VPS50: variants seen among roughly 807,000 people sequenced by gnomAD.
The protein encoded by VPS50 is VPS50 subunit of EARP/GARPII complex.
In VPS50, 70 loss-of-function variants were observed where a neutral mutation model predicts 139.7. The observed-to-expected ratio is 0.50, with a 90% confidence interval of 0.41 to 0.61. The LOEUF is 0.61. VPS50 is among the 20% of genes least tolerant of loss of function. VPS50 has a pLI of 0.00. For synonymous variants in VPS50, 365 were observed against 376.7 expected (o/e 0.97, Z 0.36); for missense variants, 921 against 1,133.7 (o/e 0.81, Z 2.69).
chr7:93,307,916 G>T, intron 18 of VPS50, among the ~76,000 whole-genome samples: 1 of 151,820 alleles, frequency 6.6e-6, no homozygotes, highest in East Asian at 1.9e-4. Context: ...GAATTAGGGG[G>T]CTAAATTCTT....
rs1399104135 is a variant in VPS50, at chr7:93,341,336, T to TATTTTA, written c.2059-81_2059-76dup. ...ATGTAATTAACGTGTGCCCCAAGAG[T>TATTTTA]ATTTTAATTTTAATTCTAATTTTGT... On this transcript the variant is annotated intron_variant, in intron 22 of 27. Transcript: ENST00000305866. 19 of 761,688 alleles carry TATTTTA rather than the reference T, an allele frequency of 2.5e-5. No homozygotes were observed. In the Admixed American group the frequency reaches 3.8e-4, roughly 15 times the overall value. 47.2% of individuals were successfully genotyped at this position (761,688 alleles called of 1,614,324 possible).
At chr7:93,282,763 A>G (rs1796366824) in intron 12 of VPS50, among the ~76,000 whole-genome samples, 1 of 152,182 alleles carries the variant, frequency 6.6e-6, no homozygotes, top group African/African-American at 2.4e-5. Context: ...TTTCTTGCTG[A>G]ATGCTACAAA....
At chr7:93,354,647 T>G (rs139281934) in intron 26 of VPS50, among the ~76,000 whole-genome samples, 2 of 152,278 alleles carry the variant, frequency 1.3e-5, no homozygotes, top group African/African-American at 2.4e-5. Flanking sequence ...TATATCATCA[T>G]TAATAATAAT....
chr7:93,285,117 A>T (rs2116920566), intron 12 of VPS50, among the ~76,000 whole-genome samples: 1 of 152,292 alleles, frequency 6.6e-6, no homozygotes, highest in Admixed American at 6.5e-5. Context: ...GTGAGCTCAT[A>T]GTACTAACAG....
At chr7:93,316,584 G>A (rs150621226) in intron 20 of VPS50, among the ~76,000 whole-genome samples, 21 of 152,270 alleles carry the variant, frequency 1.4e-4, no homozygotes, top group African/African-American at 3.6e-4. Flanking sequence ...AGTGATGAGC[G>A]ATCACTCAGA....
At chr7:93,324,499 A>G (rs1190170044) in intron 21 of VPS50, among the ~76,000 whole-genome samples, 7 of 152,162 alleles carry the variant, frequency 4.6e-5, no homozygotes, top group Non-Finnish European at 8.8e-5. Flanking sequence ...TAGCATGAAG[A>G]GTTGTTGAAT....
rs576407750 is a variant in VPS50, at chr7:93,324,039, A to C, written c.1977+307A>C. ...CTTTTTTTAAATCTGGCTCCATCTAAAATATAAAACAGTAAATGAGACATT... is the reference window on the plus strand; with the variant it reads ...CTTTTTTTAAATCTGGCTCCATCTACAATATAAAACAGTAAATGAGACATT... On this transcript the variant is annotated intron_variant, in intron 21 of 27. Transcript: ENST00000305866. Among the ~76,000 whole-genome samples the C allele has an allele frequency of 4.5e-4, 69 of 152,264 alleles. No homozygotes were observed. The East Asian group carries it at 0.013, about 28-fold the overall frequency.
chr7:93,312,118 T>C (rs149983536), intron 20 of VPS50, among the ~76,000 whole-genome samples: 1 of 152,272 alleles, frequency 6.6e-6, no homozygotes, highest in African/African-American at 2.4e-5. Context: ...TACAGAATGC[T>C]TTTTAGGAGT....
At chr7:93,254,076 G>T in intron 4 of VPS50, 145 bp downstream of exon 4, 1 of 486,198 alleles carries the variant, frequency 2.1e-6, no homozygotes, top group Non-Finnish European at 3.7e-6. Flanking sequence ...TTCAAATGAT[G>T]CATTTACATT....
chr7:93,270,680 T>C (rs1022302295), intron 9 of VPS50, among the ~76,000 whole-genome samples: 1 of 151,996 alleles, frequency 6.6e-6, no homozygotes, highest in Non-Finnish European at 1.5e-5. Flanking sequence ...TTCCCCTTCC[T>C]CTAGCATCAG....
At chr7:93,312,761 G>A (rs1470164156) in intron 20 of VPS50, among the ~76,000 whole-genome samples, 6 of 150,708 alleles carry the variant, frequency 4.0e-5, no homozygotes, top group Non-Finnish European at 5.9e-5. Context: ...GGTAGTTATC[G>A]TGCTTCCTTT....
At chr7:93,294,091 C>G (rs191589900) in intron 13 of VPS50, among the ~76,000 whole-genome samples, 1 of 152,184 alleles carries the variant, frequency 6.6e-6, no homozygotes, top group Non-Finnish European at 1.5e-5. Context: ...GTGGATAAAA[C>G]TATTATTTAT....
chr7:93,288,825 A>G (rs1462177762), intron 12 of VPS50, among the ~76,000 whole-genome samples: 2 of 152,138 alleles, frequency 1.3e-5, no homozygotes, highest in Non-Finnish European at 2.9e-5. Flanking sequence ...GGAGTCAGAA[A>G]AGTGAACATT....
chr7:93,327,809 A>ATGTT (rs1165270511), intron 21 of VPS50, among the ~76,000 whole-genome samples: 1 of 152,154 alleles, frequency 6.6e-6, no homozygotes, highest in East Asian at 1.9e-4. Flanking sequence ...TAGCTGTTGA[A>ATGTT]TGTTTGTTAG....
intron 25 of VPS50, 58 bp from the exon 26 acceptor site, chr7:93,353,582 G>T: frequency 3.9e-6 from 6 of 1,538,272 alleles, no homozygotes; most frequent in South Asian, 3.7e-5. Context: ...AATTTTTATG[G>T]GAAAGCATTG....
At chr7:93,326,025 T>C (rs1404896388) in intron 21 of VPS50, among the ~76,000 whole-genome samples, 1 of 151,984 alleles carries the variant, frequency 6.6e-6, no homozygotes, top group Non-Finnish European at 1.5e-5. Context: ...CTATTCACAA[T>C]GGCAAAGACT....
At chr7:93,346,770 A>G (rs1251056992) in intron 23 of VPS50, among the ~76,000 whole-genome samples, 2 of 137,786 alleles carry the variant, frequency 1.5e-5, no homozygotes, top group African/African-American at 3.0e-5. Context: ...CTGGCTAGCC[A>G]TATGTAGAAA....
chr7:93,296,906 G>A (rs1796827589), intron 15 of VPS50, 70 bp downstream of exon 15: 1 of 1,499,252 alleles, frequency 6.7e-7, no homozygotes, highest in Admixed American at 2.7e-5. Context: ...GAGCTAGTGA[G>A]TTATCATCTA....
intron 1 of VPS50, among the ~76,000 whole-genome samples, chr7:93,233,075 G>C (rs1390040725): frequency 6.6e-6 from 1 of 152,130 alleles, no homozygotes; most frequent in East Asian, 1.9e-4. Flanking sequence ...GTGAAATTCT[G>C]CTTTAAAAAA....
Sources: gnomAD v4.1 joint callset for allele counts (sites outside exome capture counted in the v4.1 genomes callset) on GRCh38, gnomAD v4.1.1 for gene constraint, MANE v1.5 for transcripts, NCBI Gene and HGNC (gene_info 2026-07-23, HGNC 2026-07-21) for gene names.